PTPRT: variants seen among roughly 807,000 people sequenced by gnomAD.
PTPRT encodes receptor-type tyrosine-protein phosphatase T.
In PTPRT, 56 loss-of-function variants were observed where a neutral mutation model predicts 176.8. The observed-to-expected ratio is 0.32, with a 90% CI of 0.26 to 0.40. The LOEUF is 0.40. Ranked by LOEUF, PTPRT falls within the 10% of genes least tolerant of loss-of-function variation. PTPRT has a pLI of 1.00. For synonymous variants in PTPRT, 783 were observed against 739.0 expected, an observed-to-expected ratio of 1.06 and a Z score of -0.96; for missense variants, 1,540 against 1,908.2, an observed-to-expected ratio of 0.81 and a Z score of 3.60.
rs1483243425 is a variant in PTPRT at position 43,034,313 on chromosome 20, G to A, written c.89-148381C>T. 2.0e-5 allele frequency among the ~76,000 whole-genome samples: 3 copies of A among 152,166 alleles called. No individual in the cohort carries two copies. The East Asian group carries it at 5.8e-4, about 29-fold the overall frequency. ...AAGAGGGAAACCCCCTCCCTTTGAT[G>A]CATCTTGTAGAGGCAGGGATGGCTG... On this transcript the variant is annotated intron_variant, in intron 1 of 30. Coordinates refer to ENST00000373187, the MANE Select transcript of PTPRT (RefSeq NM_007050.6).
chr20:42,211,191 C>A (rs1211365969), intron 15 of PTPRT, among the ~76,000 whole-genome samples: 1 of 152,102 alleles, frequency 6.6e-6, no homozygotes, highest in African/African-American at 2.4e-5. Context: ...ACCATAAAAA[C>A]CCTAGAAGGA....
chr20:42,893,085 A>G (rs977753105), intron 1 of PTPRT, among the ~76,000 whole-genome samples: 9 of 152,196 alleles, frequency 5.9e-5, no homozygotes, highest in East Asian at 1.9e-4. Context: ...GCAACCTACA[A>G]AATGGGAGAA....
intron 12 of PTPRT, among the ~76,000 whole-genome samples, chr20:42,309,466 A>T (rs1043211514): frequency 3.9e-5 from 6 of 152,178 alleles, no homozygotes; most frequent in Admixed American, 1.3e-4. Flanking sequence ...TGGGGAAAAA[A>T]ATCTTACTAC....
At chr20:42,920,272 A>C (rs1349824664) in intron 1 of PTPRT, among the ~76,000 whole-genome samples, 1 of 152,244 alleles carries the variant, frequency 6.6e-6, no homozygotes, top group Non-Finnish European at 1.5e-5. Flanking sequence ...TAAAGCATAG[A>C]CTAACTGAAA....
At chr20:42,178,768 A>T (rs967030796) in intron 16 of PTPRT, among the ~76,000 whole-genome samples, 20 of 152,310 alleles carry the variant, frequency 1.3e-4, no homozygotes, top group African/African-American at 4.1e-4. Flanking sequence ...AATCACTGAC[A>T]TGATACTGAC....
intron 15 of PTPRT, among the ~76,000 whole-genome samples, chr20:42,211,282 C>T (rs1300260637): frequency 3.3e-5 from 5 of 151,394 alleles, no homozygotes; most frequent in Non-Finnish European, 7.4e-5. Context: ...CAACAAAAGA[C>T]AAAATTGACA....
intron 7 of PTPRT, among the ~76,000 whole-genome samples, chr20:42,676,538 G>GCTCTCTCTCTCTCTCTCT (rs55873681): frequency 6.7e-6 from 1 of 148,598 alleles, no homozygotes; most frequent in Non-Finnish European, 1.5e-5. Context: ...TATATACAAT[G>GCTCTCTCTCTCTCTCTCT]CTCTCTCTCT....
At chr20:42,097,122 G>T (rs1985341553) in intron 27 of PTPRT, among the ~76,000 whole-genome samples, 1 of 152,154 alleles carries the variant, frequency 6.6e-6, no homozygotes, top group Non-Finnish European at 1.5e-5. Context: ...CATTGGGCTT[G>T]CATGAAAGCT....
At chr20:42,398,157 T>TA (rs923477776) in intron 9 of PTPRT, among the ~76,000 whole-genome samples, 14 of 151,148 alleles carry the variant, frequency 9.3e-5, no homozygotes, top group East Asian at 3.9e-4. Context: ...AAAAAAATTG[T>TA]AAAAAAAAAT....
At chr20:42,321,749 T>TGA (rs1568772811) in intron 11 of PTPRT, among the ~76,000 whole-genome samples, 1 of 152,154 alleles carries the variant, frequency 6.6e-6, no homozygotes. Flanking sequence ...TCTAATACCA[T>TGA]ACTAGACACA....
intron 9 of PTPRT, among the ~76,000 whole-genome samples, chr20:42,388,203 A>T (rs2425481): frequency 0.18 from 27,821 of 152,204 alleles, 2,657 homozygotes; most frequent in African/African-American, 0.2. Flanking sequence ...ACCATTCAGG[A>T]CATAGGCATG....
intron 1 of PTPRT, among the ~76,000 whole-genome samples, chr20:43,123,181 A>T (rs770823297): frequency 6.6e-6 from 1 of 152,190 alleles, no homozygotes. Flanking sequence ...GGCAGCACAA[A>T]AATGGCCTAA....
At chr20:42,803,275 G>C (rs2077556744) in intron 2 of PTPRT, among the ~76,000 whole-genome samples, 1 of 152,240 alleles carries the variant, frequency 6.6e-6, no homozygotes, top group African/African-American at 2.4e-5. Context: ...GTAAATCCTT[G>C]GGCCCCAAGC....
At chr20:42,194,159 A>G (rs1991107722) in intron 16 of PTPRT, among the ~76,000 whole-genome samples, 2 of 152,212 alleles carry the variant, frequency 1.3e-5, no homozygotes, top group South Asian at 4.1e-4. Flanking sequence ...AAGTAGAACC[A>G]TGTATTATTT....
At chr20:42,413,852 G>T (rs984071400) in intron 9 of PTPRT, among the ~76,000 whole-genome samples, 1 of 152,086 alleles carries the variant, frequency 6.6e-6, no homozygotes, top group Non-Finnish European at 1.5e-5. Flanking sequence ...CGAGAGTAGA[G>T]ACTTTATTTT....
chr20:42,108,559 A>AT (rs1315174398), intron 23 of PTPRT, among the ~76,000 whole-genome samples: 2 of 152,254 alleles, frequency 1.3e-5, no homozygotes, highest in Non-Finnish European at 2.9e-5. Context: ...ATACATAGCC[A>AT]TTTTTTATTG....
At chr20:43,173,501 T>C (rs74620441) in intron 1 of PTPRT, among the ~76,000 whole-genome samples, 2,971 of 152,324 alleles carry the variant, frequency 0.02, 40 homozygotes, top group Middle Eastern at 0.031. Context: ...TTTGTAAAAC[T>C]GGAATAATGA....
intron 1 of PTPRT, among the ~76,000 whole-genome samples, chr20:43,061,329 C>T (rs983915148): frequency 3.3e-5 from 5 of 152,166 alleles, no homozygotes; most frequent in African/African-American, 4.8e-5. Flanking sequence ...CCTGATACTC[C>T]GACTCAAGAG....
chr20:43,064,211 C>A (rs1987589642), intron 1 of PTPRT, among the ~76,000 whole-genome samples: 1 of 152,108 alleles, frequency 6.6e-6, no homozygotes, highest in Non-Finnish European at 1.5e-5. Flanking sequence ...AATGGCAATT[C>A]TTAGGCCTGG....
Sources: gnomAD v4.1 joint callset for allele counts (sites outside exome capture counted in the v4.1 genomes callset) on GRCh38, gnomAD v4.1.1 for gene constraint, MANE v1.5 for transcripts, NCBI Gene and HGNC (gene_info 2026-07-23, HGNC 2026-07-21) for gene names.